The following KAT6A variants were observed in gnomAD, a reference collection of about 807,000 sequenced individuals.
The protein encoded by KAT6A is lysine acetyltransferase 6A, also known as histone acetyltransferase KAT6A.
A neutral mutation model predicts 198.4 loss-of-function variants in KAT6A; 9 were observed. That is an observed-to-expected ratio of 0.05 (90% CI 0.03 to 0.08). The LOEUF (loss-of-function observed/expected upper bound fraction) is 0.08, where lower values mean the gene tolerates loss of function less well. KAT6A is among the 10% of genes least tolerant of loss of function. KAT6A has a pLI of 1.00. For missense variants in KAT6A, 2,077 were observed against 2,509.9 expected (o/e 0.83, Z 3.69); for synonymous variants, 890 against 883.0 (o/e 1.01, Z -0.14).
In KAT6A at chr8:41,934,234, T is replaced by A. The variant is rs772604697; in HGVS notation, c.3986A>T (p.Lys1329Ile). ...EDDGHLESTK[K>I]KELEEQPTRE... ...CGTGGGCTGTTCCTCTAGCTCCTTT[T>A]TCTTTGTGGACTCCAGGTGGCCATC... is the stretch of plus-strand genomic sequence containing the variant. The change falls in exon 17 of 17, where the codon AAA becomes ATA. Residue 1329 changes from lysine (K) to isoleucine (I), a missense_variant. By Grantham distance (102) the Lys-to-Ile change is moderately radical (BLOSUM62 -3). Transcript: ENST00000265713. 1 of 1,614,070 alleles carries A rather than the reference T, an allele frequency of 6.2e-7. No homozygotes were observed. The highest frequency in any genetic ancestry group is 1.3e-5 in the African/African-American group (1 of 74,924).
intron 2 of KAT6A, among the ~76,000 whole-genome samples, chr8:42,009,004 C>G (rs1825880744): frequency 6.6e-6 from 1 of 152,184 alleles, no homozygotes; most frequent in Non-Finnish European, 1.5e-5. Flanking sequence ...GTAAATGACT[C>G]TGCATACACA....
chr8:41,974,623 T>TAA, intron 8 of KAT6A, 81 bp downstream of exon 8: 1 of 835,284 alleles, frequency 1.2e-6, no homozygotes, highest in Non-Finnish European at 2.0e-6. Context: ...CTGTTACTGC[T>TAA]TAACCCACAA....
rs774642336 is a variant in KAT6A at position 41,937,446 on chromosome 8, G to T, written c.3162C>A (p.Ser1054=). 1 of 1,614,062 alleles carries T rather than the reference G, an allele frequency of 6.2e-7. No individual in the cohort carries two copies. Among genetic ancestry groups the T allele is most frequent in the Non-Finnish European group, 8.5e-7 (1 of 1,180,008 alleles). ...GTTCTAATCTTGGCATTGGCCTCTC[G>T]GAGTCAGAATCTTCAAAAGGTTCAT... The part of the protein sequence containing the change: ...VLDEPFEDSD[S]ERPMPRLEPT... Residue 1054 remains serine, a synonymous_variant, in exon 16 of 17, where the codon TCC becomes TCA. Transcript: ENST00000265713.
intron 8 of KAT6A, among the ~76,000 whole-genome samples, chr8:41,960,239 C>T (rs1229769043): frequency 1.3e-5 from 2 of 152,010 alleles, no homozygotes; most frequent in Non-Finnish European, 1.5e-5. Context: ...GTGATGATTG[C>T]ACAACAAGGT....
In KAT6A at chr8:41,947,666, CTTG is replaced by C. The variant is rs1217821032; in HGVS notation, c.1902+82_1902+84del. The C allele has an allele frequency of 3.6e-6, 4 of 1,120,048 alleles. No individual in the cohort carries two copies. In the South Asian group the frequency reaches 5.6e-5, roughly 16 times the overall value. 69.4% of individuals were successfully genotyped at this position (1,120,048 alleles called of 1,614,324 possible). The stretch of plus-strand genomic sequence containing the variant: ...AGATGACACCTAGGAGGTGCTGCAT[CTTG>C]TTGTGTCCCCGAGTGAGAACCAGCA... On this transcript the variant is annotated intron_variant, in intron 11 of 16. Transcript: ENST00000265713.
At chr8:42,006,223 G>A (rs898719756) in intron 2 of KAT6A, among the ~76,000 whole-genome samples, 1 of 152,204 alleles carries the variant, frequency 6.6e-6, no homozygotes, top group Non-Finnish European at 1.5e-5. Context: ...CCTGTTCTTA[G>A]CACTCTTGTA....
intron 2 of KAT6A, among the ~76,000 whole-genome samples, chr8:42,027,293 C>A (rs1222690581): frequency 6.6e-6 from 1 of 152,040 alleles, no homozygotes; most frequent in Non-Finnish European, 1.5e-5. Context: ...ATAATGCTGG[C>A]CTTGTAGAGT....
chr8:41,932,695 G>A lies in KAT6A; in HGVS notation c.5525C>T (p.Thr1842Met), dbSNP rs886037914. 5.0e-6 allele frequency: 8 copies of A among 1,614,140 alleles called. No homozygotes were observed. The highest frequency in any genetic ancestry group is 2.7e-5 in the African/African-American group (2 of 74,950). ...TGGCATTTGCCCTTGCAATCTCTGCGTGTGAGGAATGCCAATGTTGGTGGC... is the reference window on the plus strand; with the variant it reads ...TGGCATTTGCCCTTGCAATCTCTGCATGTGAGGAATGCCAATGTTGGTGGC... ...MSATNIGIPH[T>M]QRLQGQMPVK... Residue 1842 changes from threonine (T) to methionine (M), a missense_variant, in exon 17 of 17, where the codon ACG (threonine) becomes ATG (methionine). Around this residue, in one of 13 missense-constraint regions of KAT6A, gnomAD observed 500 missense variants for 577.2 expected, o/e 0.87. Coordinates refer to ENST00000265713, the MANE Select transcript of KAT6A (RefSeq NM_006766.5).
chr8:41,995,656 A>G (rs1825161273), intron 2 of KAT6A, among the ~76,000 whole-genome samples: 1 of 151,270 alleles, frequency 6.6e-6, no homozygotes, highest in African/African-American at 2.4e-5. Flanking sequence ...TCCCATCTAA[A>G]AAGTCCAATT....
chr8:41,939,341 A>G (rs1229555957), intron 15 of KAT6A, among the ~76,000 whole-genome samples: 7 of 152,196 alleles, frequency 4.6e-5, no homozygotes, highest in African/African-American at 1.7e-4. Flanking sequence ...GAAAAATCAA[A>G]TTGATAATAC....
rs369302170 is a variant in KAT6A, at chr8:41,971,254, G to A, written c.1482+3450C>T. ...AAAAAAAAAAAAAAAGAAAGGCCTC[G>A]TTCTCAAGGCACTTACATTCTAGAA... On this transcript the variant is annotated intron_variant, in intron 8 of 16. Transcript: ENST00000265713. 3.3e-5 allele frequency among the ~76,000 whole-genome samples: 5 copies of A among 150,682 alleles called. No individual in the cohort carries two copies. The East Asian group carries it at 7.8e-4, about 23-fold the overall frequency.
intron 2 of KAT6A, among the ~76,000 whole-genome samples, chr8:42,020,796 GA>G (rs1246637629): frequency 2.6e-5 from 4 of 152,164 alleles, no homozygotes; most frequent in African/African-American, 9.6e-5. Context: ...ATCCCCAAAG[GA>G]AAACTTGAGA....
rs1821523459 is a variant in KAT6A, at chr8:41,931,184, A to C, written c.*1021T>G. On this transcript the variant is annotated 3_prime_UTR_variant, in exon 17 of 17. Transcript: ENST00000265713. ...AAGAGGCAAATCACTGGGGACTGCT[A>C]TTTGAGTTTTATCAGTCAAAGGCTC... The C allele has an allele frequency of 4.5e-6, 1 of 222,084 alleles. No homozygotes were observed. Among genetic ancestry groups the C allele is most frequent in the Non-Finnish European group, 9.0e-6 (1 of 110,814 alleles). 13.8% of individuals were successfully genotyped at this position (222,084 alleles called of 1,614,324 possible).
chr8:41,991,326 G>C (rs1824936838), intron 2 of KAT6A, among the ~76,000 whole-genome samples: 1 of 152,104 alleles, frequency 6.6e-6, no homozygotes. Flanking sequence ...ATAAACAAAT[G>C]CTGCCAACAA....
In KAT6A at chr8:41,933,778, C is replaced by T. The variant is rs760204038; in HGVS notation, c.4442G>A (p.Ser1481Asn). 5.6e-6 allele frequency: 9 copies of T among 1,613,940 alleles called. No individual in the cohort carries two copies. Among genetic ancestry groups the T allele is most frequent in the South Asian group, 3.3e-5 (3 of 91,080 alleles). Reference sequence around the variant, plus strand: ...GTGAGACTGAACGGAGGAGATAGGGCTATTATGTTCTGACGCATGACAGTC... The same window carrying T: ...GTGAGACTGAACGGAGGAGATAGGGTTATTATGTTCTGACGCATGACAGTC... ...VEDCHASEHN[S>N]PISSVQSHPS... is the part of the protein sequence containing the mutation. Residue 1481 changes from serine (S) to asparagine (N), a missense_variant, in exon 17 of 17, where the codon AGC becomes AAC. Coordinates refer to ENST00000265713, the MANE Select transcript of KAT6A (RefSeq NM_006766.5). This position sits in a 1 kb window ranked among gnomAD's most constrained non-coding sequence, Gnocchi z 6.2.
At chr8:41,941,486 CTT>C (rs749599691) in intron 14 of KAT6A, 42 bp from the exon 15 acceptor site, 1 of 1,537,058 alleles carries the variant, frequency 6.5e-7, no homozygotes, top group East Asian at 2.3e-5. Flanking sequence ...ATTTTTCAGT[CTT>C]GTTTGCTTAC....
chr8:41,978,675 C>T lies in KAT6A; in HGVS notation c.1010G>A (p.Arg337His), dbSNP rs570988959. The change falls in exon 6 of 17, where the codon CGT (arginine) becomes CAT (histidine). Residue 337 changes from arginine (R) to histidine (H), a missense_variant. Arg to His is a conservative substitution (Grantham distance 29). This residue lies in a region of KAT6A where 206 missense variants were observed against 214.9 expected (regional missense o/e 0.96). Transcript: ENST00000265713. ...TTGTTTCTTTAACCTGTTTTTTGGA[C>T]GTCCTATTGGATTAGTATAGCGCCG... ...IKRRYTNPIG[R>H]PKNRLKKQNT... The T allele has an allele frequency of 8.7e-5, 141 of 1,613,826 alleles. No homozygotes were observed. The highest frequency in any genetic ancestry group is 1.2e-4 in the South Asian group (11 of 91,042).
chr8:42,000,592 TAGA>T (rs1412638403), intron 2 of KAT6A, among the ~76,000 whole-genome samples: 4 of 152,158 alleles, frequency 2.6e-5, no homozygotes, highest in Admixed American at 6.5e-5. Context: ...AGTGATGTTT[TAGA>T]AGAAGATGTT....
intron 1 of KAT6A, among the ~76,000 whole-genome samples, chr8:42,050,870 C>A (rs1042466212): frequency 6.6e-6 from 1 of 152,230 alleles, no homozygotes; most frequent in Admixed American, 6.5e-5. Flanking sequence ...AAGTCAAGCG[C>A]CTGCAGCCTC....
Sources: gnomAD v4.1 joint callset for allele counts (sites outside exome capture counted in the v4.1 genomes callset) on GRCh38, gnomAD v4.1.1 for gene constraint, gnomAD v4.1.1 regional missense constraint, Gnocchi (gnomAD v3.1) non-coding constraint, MANE v1.5 for transcripts, NCBI Gene and HGNC (gene_info 2026-07-23, HGNC 2026-07-21) for gene names.